The following ALK variants were observed in gnomAD, a reference collection of about 807,000 sequenced individuals.
ALK encodes the protein ALK receptor tyrosine kinase.
ALK carries 74 observed loss-of-function variants against 163.1 expected under a neutral mutation model. The observed-to-expected ratio is 0.45, with a 90% confidence interval of 0.38 to 0.55. The LOEUF is 0.55. ALK is among the 20% of genes least tolerant of loss of function. The pLI, the probability that ALK is intolerant of heterozygous loss-of-function variation, is 0.00. For synonymous variants in ALK, 960 were observed against 843.2 expected, an observed-to-expected ratio of 1.14 and a Z score of -2.40; for missense variants, 2,063 against 2,105.3, an observed-to-expected ratio of 0.98 and a Z score of 0.39.
At chr2:29,915,400 AG>A (rs1487985675) in intron 1 of ALK, among the ~76,000 whole-genome samples, 3 of 152,118 alleles carry the variant, frequency 2.0e-5, no homozygotes, top group African/African-American at 7.2e-5. Flanking sequence ...TTTTATTTTT[AG>A]TAGAGACAGG....
intron 3 of ALK, among the ~76,000 whole-genome samples, chr2:29,609,985 A>G (rs1312217580): frequency 6.6e-6 from 1 of 152,190 alleles, no homozygotes; most frequent in Non-Finnish European, 1.5e-5. Context: ...AGATAAAACC[A>G]ACCTCCCTAA....
rs1664040450 is a variant in ALK, at chr2:29,227,494, A to G, written c.2914+80T>C. 2.4e-6 allele frequency: 3 copies of G among 1,225,454 alleles called. No homozygotes were observed. The South Asian group carries it at 3.6e-5, about 15-fold the overall frequency. 75.9% of individuals were successfully genotyped at this position (1,225,454 alleles called of 1,614,324 possible). On this transcript the variant is annotated intron_variant, in intron 17 of 28. Transcript: ENST00000389048. The surrounding 1 kb of genome is among the most constrained non-coding windows in gnomAD (Gnocchi z 4.4). ...AATTGTGCCTCTGTATCCTGGATAC[A>G]GGTCAGAGACTCTGAGGTTTTAGCT...
At chr2:29,868,245 A>C (rs536020915) in intron 1 of ALK, among the ~76,000 whole-genome samples, 150 of 152,306 alleles carry the variant, frequency 9.8e-4, no homozygotes, top group African/African-American at 3.5e-3. Context: ...GAAGGAGTGG[A>C]ATAAGGGGCT....
At chr2:29,676,604 A>G (rs1677880949) in intron 3 of ALK, among the ~76,000 whole-genome samples, 1 of 151,966 alleles carries the variant, frequency 6.6e-6, no homozygotes, top group Non-Finnish European at 1.5e-5. Context: ...AAGTTCTCCA[A>G]ATTTGTTCCT....
At chr2:29,323,464 A>C (rs890240245) in intron 6 of ALK, among the ~76,000 whole-genome samples, 1 of 152,188 alleles carries the variant, frequency 6.6e-6, no homozygotes, top group Non-Finnish European at 1.5e-5. Context: ...TCAGCTTGGC[A>C]TAGAATCCAG....
intron 19 of ALK, chr2:29,223,931 A>C: frequency 3.0e-6 from 1 of 330,388 alleles, no homozygotes; most frequent in Non-Finnish European, 5.6e-6. Flanking sequence ...TGCAAGTATA[A>C]CCCCACGTGA....
intron 1 of ALK, among the ~76,000 whole-genome samples, chr2:29,724,291 T>C (rs185815506): frequency 3.7e-4 from 56 of 152,342 alleles, no homozygotes; most frequent in African/African-American, 1.2e-3. Context: ...AGTCTGCTTG[T>C]TTTTTCCCTG....
chr2:29,390,599 C>A (rs1669144283), intron 4 of ALK, among the ~76,000 whole-genome samples: 1 of 150,822 alleles, frequency 6.6e-6, no homozygotes, highest in African/African-American at 2.4e-5. Context: ...AACATTTGAA[C>A]CTCTCTCTCT....
intron 4 of ALK, among the ~76,000 whole-genome samples, chr2:29,426,383 CAA>C (rs1300640836): frequency 2.0e-5 from 3 of 152,112 alleles, no homozygotes; most frequent in African/African-American, 4.8e-5. Context: ...AGCTGAAAGA[CAA>C]AGAGAAAATC....
intron 3 of ALK, among the ~76,000 whole-genome samples, chr2:29,616,214 G>T (rs775603025): frequency 7.2e-5 from 11 of 152,176 alleles, no homozygotes; most frequent in Non-Finnish European, 1.3e-4. Flanking sequence ...AGGAGCTTTC[G>T]GGAAAGAGGT....
chr2:29,716,116 C>T (rs1240787885), intron 2 of ALK, among the ~76,000 whole-genome samples: 1 of 152,076 alleles, frequency 6.6e-6, no homozygotes, highest in East Asian at 1.9e-4. Flanking sequence ...ATAGCTTAGG[C>T]CCAAGGGTAT....
At chr2:29,598,305 C>T (rs1009477979) in intron 3 of ALK, among the ~76,000 whole-genome samples, 2 of 152,160 alleles carry the variant, frequency 1.3e-5, no homozygotes, top group African/African-American at 2.4e-5. Flanking sequence ...GGATTACAGG[C>T]GTGAGCCACC....
intron 13 of ALK, among the ~76,000 whole-genome samples, chr2:29,234,554 T>A (rs1664317725): frequency 6.6e-6 from 1 of 152,084 alleles, no homozygotes; most frequent in Non-Finnish European, 1.5e-5. Context: ...TCTGCTTGCC[T>A]TGTAGAGTGA....
intron 5 of ALK, among the ~76,000 whole-genome samples, chr2:29,340,679 C>A (rs1667763043): frequency 6.6e-6 from 1 of 152,188 alleles, no homozygotes; most frequent in African/African-American, 2.4e-5. Context: ...TTGGAAAGTA[C>A]TTTGTAAACC....
intron 25 of ALK, among the ~76,000 whole-genome samples, chr2:29,209,530 G>A (rs765050303): frequency 2.6e-5 from 3 of 115,906 alleles, no homozygotes; most frequent in African/African-American, 1.0e-4. Flanking sequence ...CAACAAGAGC[G>A]AAACTCCGTC....
chr2:29,888,521 C>T (rs758260258), intron 1 of ALK, among the ~76,000 whole-genome samples: 6 of 152,132 alleles, frequency 3.9e-5, no homozygotes, highest in South Asian at 2.1e-4. Context: ...AGAATTTCCA[C>T]TGGGGTGGGC....
In ALK at chr2:29,521,629, AC is replaced by A. The variant is rs1215559484; in HGVS notation, c.1154+10285del. Among the ~76,000 whole-genome samples the A allele has an allele frequency of 2.0e-5, 3 of 152,356 alleles. No homozygotes were observed. In the South Asian group the frequency reaches 6.2e-4, roughly 32 times the overall value. On this transcript the variant is annotated intron_variant, in intron 4 of 28. Coordinates refer to ENST00000389048, the MANE Select transcript of ALK (RefSeq NM_004304.5). ...CAAAGAGGAAAAGGCAAACTTAGAA[AC>A]AGGCCAAGTAATGAGAAAGAAGGAG...
intron 4 of ALK, among the ~76,000 whole-genome samples, chr2:29,423,562 C>T (rs999316562): frequency 6.6e-6 from 1 of 152,218 alleles, no homozygotes; most frequent in African/African-American, 2.4e-5. Flanking sequence ...TTCTTCGTGA[C>T]CAAGCTGGTG....
chr2:29,810,711 G>A (rs1264394764), intron 1 of ALK, among the ~76,000 whole-genome samples: 1 of 152,132 alleles, frequency 6.6e-6, no homozygotes, highest in East Asian at 1.9e-4. Context: ...TTTTCTGGCT[G>A]TCTCTTAGGC....
Sources: allele counts gnomAD v4.1 joint callset (sites outside exome capture counted in the v4.1 genomes callset), GRCh38; gene constraint gnomAD v4.1.1; non-coding constraint Gnocchi (gnomAD v3.1); transcripts MANE v1.5; gene names NCBI Gene and HGNC (gene_info 2026-07-23, HGNC 2026-07-21).